Variants in CRY1 observed in about 807,000 individuals in gnomAD.
The protein encoded by CRY1 is cryptochrome circadian regulator 1, also known as cryptochrome-1.
Under a neutral mutation model 76.0 loss-of-function variants are expected in CRY1, and 45 were observed. The observed-to-expected ratio is 0.59, with a 90% CI of 0.47 to 0.76. The LOEUF (loss-of-function observed/expected upper bound fraction) is 0.76. CRY1 is among the 30% of genes least tolerant of loss of function. The pLI is 0.00. For missense variants in CRY1, 587 were observed against 716.4 expected (o/e 0.82, Z 2.06); for synonymous variants, 248 against 244.0 (o/e 1.02, Z -0.15).
chr12:107,021,535 T>G (rs1952558444), intron 2 of CRY1, among the ~76,000 whole-genome samples: 1 of 152,170 alleles, frequency 6.6e-6, no homozygotes, highest in Admixed American at 6.6e-5. Flanking sequence ...TGGAATACTA[T>G]GAAGTCATCT....
intron 10 of CRY1, among the ~76,000 whole-genome samples, chr12:106,994,497 C>T (rs1351432829): frequency 6.6e-6 from 1 of 152,128 alleles, no homozygotes; most frequent in African/African-American, 2.4e-5. Context: ...CTTTTCATGT[C>T]TCATGTCTTT....
chr12:106,999,975 C>T lies in CRY1; in HGVS notation c.792G>A (p.Leu264=). 1 of 1,612,038 alleles carries T rather than the reference C, an allele frequency of 6.2e-7. No homozygotes were observed. The highest frequency in any genetic ancestry group is 8.5e-7 in the Non-Finnish European group (1 of 1,179,622). Residue 264 remains leucine, a synonymous_variant, in exon 6 of 13, where the codon CTG becomes CTA. Transcript: ENST00000008527. Reference sequence around the variant, plus strand: ...AGAGATCTGTTAGTTTGAAGTAAAACAGTCGACATGACAAACAACCAAATC... The same window carrying T: ...AGAGATCTGTTAGTTTGAAGTAAAATAGTCGACATGACAAACAACCAAATC... ...YLRFGCLSCR[L]FYFKLTDLYK...
intron 1 of CRY1, among the ~76,000 whole-genome samples, chr12:107,082,152 T>C (rs1349337013): frequency 1.3e-5 from 2 of 151,984 alleles, no homozygotes; most frequent in Non-Finnish European, 2.9e-5. Context: ...GAGCAAATTA[T>C]CTTAAATATA....
chr12:107,072,702 T>G (rs1953204416), intron 1 of CRY1, among the ~76,000 whole-genome samples: 1 of 152,250 alleles, frequency 6.6e-6, no homozygotes, highest in African/African-American at 2.4e-5. Flanking sequence ...CACATTCATA[T>G]TAACACATAT....
chr12:107,090,329 G>T (rs560488830), intron 1 of CRY1, among the ~76,000 whole-genome samples: 1 of 152,130 alleles, frequency 6.6e-6, no homozygotes, highest in African/African-American at 2.4e-5. Context: ...CGGGCCTCAA[G>T]TGATCTGCCT....
chr12:106,992,697 A>C, intron 12 of CRY1, 90 bp downstream of exon 12: 1 of 1,188,760 alleles, frequency 8.4e-7, no homozygotes, highest in Non-Finnish European at 1.2e-6. Context: ...CTGGTTTGAA[A>C]ATAGAGATTT....
chr12:107,087,701 T>C (rs1953419798), intron 1 of CRY1, among the ~76,000 whole-genome samples: 1 of 152,242 alleles, frequency 6.6e-6, no homozygotes, highest in African/African-American at 2.4e-5. Context: ...TGAGTTGATG[T>C]TGAAACTAGT....
At chr12:107,017,882 T>C (rs1343967970) in intron 2 of CRY1, among the ~76,000 whole-genome samples, 1 of 152,210 alleles carries the variant, frequency 6.6e-6, no homozygotes, top group African/African-American at 2.4e-5. Context: ...ATAAAGTAAC[T>C]TTCCCTCACC....
chr12:106,999,480 T>G (rs1023231077), intron 7 of CRY1, 71 bp downstream of exon 7: 3 of 1,403,546 alleles, frequency 2.1e-6, no homozygotes, highest in Non-Finnish European at 2.9e-6. Flanking sequence ...AACAGACAAC[T>G]TCTAGGATTT....
chr12:107,047,958 C>G (rs1355689352), intron 1 of CRY1, among the ~76,000 whole-genome samples: 1 of 151,806 alleles, frequency 6.6e-6, no homozygotes, highest in East Asian at 1.9e-4. Flanking sequence ...TACAAAAGAT[C>G]AACAAAATGA....
chr12:107,089,451 C>T (rs2136904874), intron 1 of CRY1, among the ~76,000 whole-genome samples: 1 of 152,220 alleles, frequency 6.6e-6, no homozygotes, highest in African/African-American at 2.4e-5. Flanking sequence ...TCTCCTGCCT[C>T]AGCCTCCTGA....
intron 1 of CRY1, among the ~76,000 whole-genome samples, chr12:107,036,240 A>T (rs1347843484): frequency 6.6e-6 from 1 of 152,242 alleles, no homozygotes; most frequent in Admixed American, 6.5e-5. Context: ...TGCATAGCCC[A>T]GGTACGAATG....
At position 107,028,413 on chromosome 12, in the gene CRY1, T is replaced by TTAATGTTCAATAATTAAATGTTCAATAA. The variant is rs1952639103; in HGVS notation, c.159-6222_159-6221insTTATTGAACATTTAATTATTGAACATTA. On this transcript the variant is annotated intron_variant, in intron 1 of 12. Coordinates refer to ENST00000008527, the MANE Select transcript of CRY1 (RefSeq NM_004075.5). ...TGTTCAATAAAGATGAAATATATAT[T>TTAATGTTCAATAATTAAATGTTCAATAA]TTAAAAGCAAACTTTGCATTTGCCA... Among the ~76,000 whole-genome samples the TTAATGTTCAATAATTAAATGTTCAATAA allele has an allele frequency of 2.0e-5, 3 of 152,228 alleles. No individual in the cohort carries two copies. The South Asian group carries it at 6.2e-4, about 32-fold the overall frequency.
At chr12:107,050,313 C>G (rs563407030) in intron 1 of CRY1, 21 of 152,218 alleles carry the variant, frequency 1.4e-4, no homozygotes, top group African/African-American at 5.1e-4. Flanking sequence ...ATGATTTGGA[C>G]ATTGTGTCCC....
chr12:107,087,032 G>C (rs1953410579), intron 1 of CRY1, among the ~76,000 whole-genome samples: 1 of 151,878 alleles, frequency 6.6e-6, no homozygotes, highest in African/African-American at 2.4e-5. Context: ...GAAAGGAAAA[G>C]AAAAGAGAAA....
At chr12:107,089,845 T>A (rs1953449340) in intron 1 of CRY1, among the ~76,000 whole-genome samples, 1 of 152,168 alleles carries the variant, frequency 6.6e-6, no homozygotes, top group African/African-American at 2.4e-5. Context: ...GACTCCAAGA[T>A]ATCACTATAT....
chr12:107,003,959 C>T (rs944811469), intron 3 of CRY1, among the ~76,000 whole-genome samples: 3 of 152,074 alleles, frequency 2.0e-5, no homozygotes, highest in African/African-American at 7.2e-5. Context: ...GCACCCGCCA[C>T]TATGCCTGGC....
chr12:107,024,433 A>T lies in CRY1; in HGVS notation c.159-2241T>A, dbSNP rs575946676. On this transcript the variant is annotated intron_variant, in intron 1 of 12. Coordinates refer to ENST00000008527, the MANE Select transcript of CRY1 (RefSeq NM_004075.5). ...TTCTTTTTTTTTTTTTGGAGACAGG[A>T]TTGTGCTCTGTTGCTAAGGCTGGAA... Among the ~76,000 whole-genome samples, 8 of 150,716 alleles carry T rather than the reference A, an allele frequency of 5.3e-5. 1 individual carries two copies. The highest frequency in any genetic ancestry group is 2.0e-4 in the African/African-American group (8 of 40,968).
At position 106,999,549 on chromosome 12, in the gene CRY1, A is replaced by G; in HGVS notation, c.1137+2T>C. 3 of 1,607,412 alleles carry G rather than the reference A, an allele frequency of 1.9e-6. No homozygotes were observed. Among genetic ancestry groups the G allele is most frequent in the Non-Finnish European group, 2.5e-6 (3 of 1,176,980 alleles). ...GCATGCTATATCAGTTAGAACACTT[A>G]CCTTCATTCCTTCTTCCCAACTAAT... On this transcript the variant is annotated splice_donor_variant, in intron 7 of 12. Coordinates refer to ENST00000008527, the MANE Select transcript of CRY1 (RefSeq NM_004075.5). LOFTEE classifies it high-confidence loss of function.
Sources: allele counts gnomAD v4.1 joint callset (sites outside exome capture counted in the v4.1 genomes callset), GRCh38; gene constraint gnomAD v4.1.1; transcripts MANE v1.5; gene names NCBI Gene and HGNC (gene_info 2026-07-23, HGNC 2026-07-21).